Variants in DENND1A observed in about 807,000 individuals in gnomAD.
The protein encoded by DENND1A is DENN domain containing 1A.
Under a neutral mutation model 113.7 loss-of-function variants are expected in DENND1A, and 51 were observed. That is an observed-to-expected ratio of 0.45 (90% CI 0.36 to 0.57). The LOEUF (loss-of-function observed/expected upper bound fraction) is 0.57, where lower values mean the gene tolerates loss of function less well. Ranked by LOEUF, DENND1A falls within the 20% of genes least tolerant of loss-of-function variation. The pLI is 0.00. For missense variants in DENND1A, 1,258 were observed against 1,395.9 expected (o/e 0.90, Z 1.57); for synonymous variants, 565 against 570.8 (o/e 0.99, Z 0.14).
chr9:123,823,952 T>A (rs770816035), intron 2 of DENND1A, among the ~76,000 whole-genome samples: 2 of 152,176 alleles, frequency 1.3e-5, no homozygotes, highest in Non-Finnish European at 2.9e-5. Flanking sequence ...GAGATGTCTA[T>A]GAGAAGAAAG....
At chr9:123,929,383 C>T (rs992526245) in intron 1 of DENND1A, among the ~76,000 whole-genome samples, 1 of 152,202 alleles carries the variant, frequency 6.6e-6, no homozygotes, top group Non-Finnish European at 1.5e-5. Context: ...ACAGGCCTTC[C>T]TCCCCGGCCA....
In DENND1A at chr9:123,381,511, T is replaced by A. The variant is rs2042266643; in HGVS notation, c.3134A>T (p.Asp1045Val). 1 of 1,613,468 alleles carries A rather than the reference T, an allele frequency of 6.2e-7. No homozygotes were observed. Among genetic ancestry groups the A allele is most frequent in the East Asian group, 2.2e-5 (1 of 44,824 alleles). ...GGCCAGGGCCGGACTCGGGCTCACG[T>A]CTTGCTTGGTTTTCTGTAACAAATC... The part of the protein sequence containing the change: ...FEDLLQKTKQ[D>V]VSPSPALAPA... The change falls in exon 24 of 24, where the codon GAC (aspartate) becomes GTC (valine). Residue 1045 changes from aspartate (D) to valine (V), a missense_variant. Around this residue, in one of 2 missense-constraint regions of DENND1A, gnomAD observed 1,159 missense variants for 1,231.7 expected, o/e 0.94. Transcript: ENST00000394215. This position sits in a 1 kb window ranked among gnomAD's most constrained non-coding sequence, Gnocchi z 4.7.
chr9:123,704,084 T>G (rs1292264575), intron 5 of DENND1A, among the ~76,000 whole-genome samples: 1 of 152,026 alleles, frequency 6.6e-6, no homozygotes, highest in Admixed American at 6.6e-5. Flanking sequence ...TATATTTTCA[T>G]GTACCATCTT....
At chr9:123,759,906 G>A (rs912011057) in intron 4 of DENND1A, 15 of 152,234 alleles carry the variant, frequency 9.9e-5, no homozygotes, top group South Asian at 2.1e-4. Context: ...GCTAAATTTC[G>A]CATTCAAGGG....
chr9:123,796,350 G>A (rs1373224034), intron 2 of DENND1A, among the ~76,000 whole-genome samples: 17 of 152,096 alleles, frequency 1.1e-4, no homozygotes, highest in Admixed American at 1.1e-3. Context: ...TCTCACTCAG[G>A]CACAGAACAT....
intron 10 of DENND1A, among the ~76,000 whole-genome samples, chr9:123,622,070 A>G (rs2060990655): frequency 6.6e-6 from 1 of 152,210 alleles, no homozygotes; most frequent in Non-Finnish European, 1.5e-5. Context: ...GGAAATGCCA[A>G]GAAATATGAG....
At chr9:123,607,520 C>CACACACAGAG (rs1258725435) in intron 11 of DENND1A, among the ~76,000 whole-genome samples, 1 of 73,748 alleles carries the variant, frequency 1.4e-5, no homozygotes, top group Non-Finnish European at 2.6e-5. Context: ...CACACACACA[C>CACACACAGAG]AGAGAGAGAG....
chr9:123,738,388 A>G (rs766652377), intron 5 of DENND1A, among the ~76,000 whole-genome samples: 12 of 151,360 alleles, frequency 7.9e-5, no homozygotes, highest in Non-Finnish European at 1.0e-4. Context: ...ATTTTTCCCA[A>G]TTTAAACTTG....
rs915139414 is a variant in DENND1A at position 123,696,666 on chromosome 9, C to T, written c.303-19877G>A. ...CTAACCAGAAGCAGCTGCTGCTGTGCGAATTAGGAAGCATTCCTAATGAAT... is the reference window on the plus strand; with the variant it reads ...CTAACCAGAAGCAGCTGCTGCTGTGTGAATTAGGAAGCATTCCTAATGAAT... On this transcript the variant is annotated intron_variant, in intron 5 of 23. Transcript: ENST00000394215. Among the ~76,000 whole-genome samples, 15 of 152,256 alleles carry T rather than the reference C, an allele frequency of 9.9e-5. No homozygotes were observed. The East Asian group carries it at 2.1e-3, about 22-fold the overall frequency.
intron 2 of DENND1A, among the ~76,000 whole-genome samples, chr9:123,854,036 C>G (rs1051484498): frequency 6.6e-6 from 1 of 152,172 alleles, no homozygotes; most frequent in Non-Finnish European, 1.5e-5. Context: ...GTCAATCACA[C>G]TGTACACATA....
intron 11 of DENND1A, among the ~76,000 whole-genome samples, chr9:123,594,644 A>G (rs1168820738): frequency 6.6e-6 from 1 of 151,868 alleles, no homozygotes; most frequent in African/African-American, 2.4e-5. Flanking sequence ...AGACTTTCCT[A>G]CAGAATCATA....
intron 13 of DENND1A, among the ~76,000 whole-genome samples, chr9:123,518,463 A>C (rs188474918): frequency 4.9e-4 from 75 of 152,304 alleles, no homozygotes; most frequent in African/African-American, 1.8e-3. Flanking sequence ...TAAAATGCTA[A>C]TTGAGTTGGT....
chr9:123,836,087 T>C (rs759311515), intron 2 of DENND1A, among the ~76,000 whole-genome samples: 1 of 152,164 alleles, frequency 6.6e-6, no homozygotes, highest in African/African-American at 2.4e-5. Flanking sequence ...ACATGGTATG[T>C]TAAGTTTCAG....
At chr9:123,654,411 C>CA (rs2062826384) in intron 8 of DENND1A, among the ~76,000 whole-genome samples, 1 of 152,162 alleles carries the variant, frequency 6.6e-6, no homozygotes, top group Admixed American at 6.5e-5. Context: ...CAAGAAGCTT[C>CA]ACGCTGGGGA....
At chr9:123,641,197 TTA>T in intron 9 of DENND1A, among the ~76,000 whole-genome samples, 1 of 152,316 alleles carries the variant, frequency 6.6e-6, no homozygotes, top group Non-Finnish European at 1.5e-5. Context: ...AAAATTTCTT[TTA>T]TGACAGCCAT....
chr9:123,728,495 A>C (rs1377588736), intron 5 of DENND1A, among the ~76,000 whole-genome samples: 3 of 147,080 alleles, frequency 2.0e-5, no homozygotes, highest in Non-Finnish European at 3.0e-5. Context: ...AAAAAAAAAA[A>C]AAAAAAAAAA....
chr9:123,816,446 A>G (rs1225696391), intron 2 of DENND1A, among the ~76,000 whole-genome samples: 27 of 152,218 alleles, frequency 1.8e-4, no homozygotes, highest in Non-Finnish European at 4.4e-5. Flanking sequence ...AATGGGTGAT[A>G]TAGGCTTCCT....
chr9:123,584,529 T>C (rs538966716), intron 11 of DENND1A, among the ~76,000 whole-genome samples: 1 of 152,246 alleles, frequency 6.6e-6, no homozygotes, highest in Non-Finnish European at 1.5e-5. Context: ...CAATGGCTGC[T>C]CAAGCTCCAG....
intron 13 of DENND1A, among the ~76,000 whole-genome samples, chr9:123,524,784 C>G (rs1178268765): frequency 6.6e-6 from 1 of 152,174 alleles, no homozygotes; most frequent in Admixed American, 6.5e-5. Context: ...AACATTTGTA[C>G]CTTTGTGCTC....
Sources: gnomAD v4.1 joint callset for allele counts (sites outside exome capture counted in the v4.1 genomes callset) on GRCh38, gnomAD v4.1.1 for gene constraint, gnomAD v4.1.1 regional missense constraint, Gnocchi (gnomAD v3.1) non-coding constraint, MANE v1.5 for transcripts, NCBI Gene and HGNC (gene_info 2026-07-23, HGNC 2026-07-21) for gene names.